The following ERCC6 variants were observed in gnomAD, a reference collection of about 807,000 sequenced individuals.
ERCC6 encodes DNA excision repair protein ERCC-6.
Under a neutral mutation model 158.7 loss-of-function variants are expected in ERCC6, and 116 were observed. That is an observed-to-expected ratio of 0.73 (90% confidence interval 0.63 to 0.85). ERCC6 has a LOEUF of 0.85. Among genes scored for constraint, ERCC6 ranks in the 40% least tolerant of loss-of-function variants. The probability of loss-of-function intolerance (pLI) is 0.00; values close to 1 mark genes in which losing one functional copy is unlikely to be tolerated. For synonymous variants in ERCC6, 678 were observed against 659.3 expected, an observed-to-expected ratio of 1.03 and a Z score of -0.43; for missense variants, 1,698 against 1,799.4, an observed-to-expected ratio of 0.94 and a Z score of 1.02.
chr10:49,490,162 A>AT (rs1415408890), intron 8 of ERCC6, among the ~76,000 whole-genome samples: 1 of 152,032 alleles, frequency 6.6e-6, no homozygotes, highest in Admixed American at 6.6e-5. Context: ...TCAGTTGTAT[A>AT]TTTTTTTGCA....
upstream of ERCC6, among the ~76,000 whole-genome samples, chr10:49,539,275 C>A (rs1837682747): frequency 6.6e-6 from 1 of 152,254 alleles, no homozygotes; most frequent in Admixed American, 6.5e-5. Flanking sequence ...GGACGCTTCG[C>A]CCCTAGCGAA....
At position 49,468,386 on chromosome 10, in the gene ERCC6, C is replaced by T. The variant is rs527679768; in HGVS notation, c.3778+1796G>A. On this transcript the variant is annotated intron_variant, in intron 18 of 20. Coordinates refer to ENST00000355832, the MANE Select transcript of ERCC6 (RefSeq NM_000124.4). ...CTTTCTGTTACAGCACGAAAATTCT[C>T]TCAAGGCAGTAGGGCAGGGCAACTG... Among the ~76,000 whole-genome samples, 14 of 152,346 alleles carry T rather than the reference C, an allele frequency of 9.2e-5. No homozygotes were observed. In the East Asian group the frequency reaches 2.7e-3, roughly 29 times the overall value.
At chr10:49,465,581 A>G (rs1303848889) in intron 18 of ERCC6, among the ~76,000 whole-genome samples, 1 of 152,174 alleles carries the variant, frequency 6.6e-6, no homozygotes. Context: ...CTTGAATTGT[A>G]ACTCCCACAA....
rs1032484850 is a variant in ERCC6, at chr10:49,471,393, A to T, written c.2925-273T>A. Among the ~76,000 whole-genome samples the T allele has an allele frequency of 2.6e-5, 4 of 152,140 alleles. No homozygotes were observed. The East Asian group carries it at 7.7e-4, about 29-fold the overall frequency. On this transcript the variant is annotated intron_variant, in intron 16 of 20. Coordinates refer to ENST00000355832, the MANE Select transcript of ERCC6 (RefSeq NM_000124.4). ...TCCAAGATCTAACACATTTCAAGAA[A>T]CACCTTTTCACATGCCATCATGTGA...
chr10:49,464,257 G>A (rs1272148996), intron 18 of ERCC6, among the ~76,000 whole-genome samples: 1 of 152,220 alleles, frequency 6.6e-6, no homozygotes, highest in Non-Finnish European at 1.5e-5. Context: ...GCGGCATTTT[G>A]CCCCTGCCCT....
intron 16 of ERCC6, 75 bp from the exon 17 acceptor site, chr10:49,471,195 AAG>A: frequency 6.8e-7 from 1 of 1,465,496 alleles, no homozygotes; most frequent in Non-Finnish European, 9.5e-7. Context: ...AAAGCAATAT[AAG>A]AGAGAGATGA....
At chr10:49,509,316 C>A (rs927080101) in intron 5 of ERCC6, among the ~76,000 whole-genome samples, 5 of 152,176 alleles carry the variant, frequency 3.3e-5, no homozygotes, top group African/African-American at 1.2e-4. Flanking sequence ...CACGACAACC[C>A]TGCAGCAGAT....
At chr10:49,502,686 G>A (rs1415660287) in intron 6 of ERCC6, 1 of 152,164 alleles carries the variant, frequency 6.6e-6, no homozygotes, top group Non-Finnish European at 1.5e-5. Context: ...ATAGTTCTCA[G>A]CCAGGGGTAA....
At chr10:49,501,482 A>C (rs1851354028) in intron 6 of ERCC6, 1 of 152,194 alleles carries the variant, frequency 6.6e-6, no homozygotes, top group African/African-American at 2.4e-5. Flanking sequence ...CCTGCAAAAA[A>C]CAGAAGTTGA....
At chr10:49,487,300 G>C (rs1851093497) in intron 8 of ERCC6, among the ~76,000 whole-genome samples, 1 of 152,142 alleles carries the variant, frequency 6.6e-6, no homozygotes, top group Non-Finnish European at 1.5e-5. Context: ...TTTGACAGGT[G>C]TGTGCCATAC....
intron 7 of ERCC6, among the ~76,000 whole-genome samples, chr10:49,495,440 A>G (rs1851250833): frequency 6.6e-6 from 1 of 152,136 alleles, no homozygotes; most frequent in African/African-American, 2.4e-5. Flanking sequence ...CAAAATGCAC[A>G]TACATTACTC....
At position 49,530,950 on chromosome 10, in the gene ERCC6, G is replaced by A. The variant is rs1322370427; in HGVS notation, c.423-110C>T. 1.2e-5 allele frequency: 17 copies of A among 1,465,578 alleles called. 1 individual carries two copies. Among genetic ancestry groups the A allele is most frequent in the Admixed American group, 2.2e-5 (1 of 46,432 alleles). The allele number at this position is 1,465,578 out of a possible 1,614,324, so 90.8% of individuals were successfully genotyped here. On this transcript the variant is annotated intron_variant, in intron 2 of 20. Coordinates refer to ENST00000355832, the MANE Select transcript of ERCC6 (RefSeq NM_000124.4). ...CCCTTTTACTTCTTATTAACTAAAA[G>A]ATAAAGGAAACTAAACCAGAATACA...
At chr10:49,451,813 A>G (rs1850422878), downstream of ERCC6, among the ~76,000 whole-genome samples, 1 of 152,202 alleles carries the variant, frequency 6.6e-6, no homozygotes, top group Admixed American at 6.5e-5. Flanking sequence ...AATAATTGCT[A>G]TAATTTATTT....
At chr10:49,473,633 C>T in intron 13 of ERCC6, 46 bp from the exon 14 acceptor site, 1 of 1,014,516 alleles carries the variant, frequency 9.9e-7, no homozygotes, top group Non-Finnish European at 1.6e-6. Flanking sequence ...AATACACATT[C>T]CCAGTGAGTG....
At chr10:49,463,085 C>A (rs1346677283) in intron 18 of ERCC6, among the ~76,000 whole-genome samples, 1 of 152,124 alleles carries the variant, frequency 6.6e-6, no homozygotes, top group Non-Finnish European at 1.5e-5. Flanking sequence ...ATTCTTGGGA[C>A]CAGAAGTGCT....
At chr10:49,515,760 A>C (rs1290957356) in intron 5 of ERCC6, 1 of 1,614,058 alleles carries the variant, frequency 6.2e-7, no homozygotes, top group Non-Finnish European at 8.5e-7. Context: ...CACTTTGATC[A>C]TGTTTGGCTG....
intron 8 of ERCC6, among the ~76,000 whole-genome samples, chr10:49,485,757 A>C (rs1041400298): frequency 3.3e-5 from 5 of 152,244 alleles, no homozygotes; most frequent in Admixed American, 3.3e-4. Context: ...AGAATGTAGA[A>C]CTATCAAACC....
At chr10:49,460,235 T>G (rs1280173174) in intron 20 of ERCC6, 138 bp downstream of exon 20, 6 of 710,700 alleles carry the variant, frequency 8.4e-6, no homozygotes, top group Non-Finnish European at 1.5e-5. Context: ...GCATCGTAAA[T>G]CAGAGCGTGC....
In ERCC6 at chr10:49,458,426, T is replaced by G. The variant is rs1413730634; in HGVS notation, c.*389A>C. 1.2e-5 allele frequency: 3 copies of G among 247,336 alleles called. No homozygotes were observed. Among genetic ancestry groups the G allele is most frequent in the African/African-American group, 4.6e-5 (2 of 43,518 alleles). 15.3% of individuals were successfully genotyped at this position (247,336 alleles called of 1,614,324 possible). ...AACTTATTGAACAGGTCTGACTGAA[T>G]GTAAGACCTGTTTTTAGCACCAATA... On this transcript the variant is annotated 3_prime_UTR_variant, in exon 21 of 21. Coordinates refer to ENST00000355832, the MANE Select transcript of ERCC6 (RefSeq NM_000124.4).
Sources: allele counts gnomAD v4.1 joint callset (sites outside exome capture counted in the v4.1 genomes callset), GRCh38; gene constraint gnomAD v4.1.1; transcripts MANE v1.5; gene names NCBI Gene and HGNC (gene_info 2026-07-23, HGNC 2026-07-21).